Variants in AP3B1 observed in about 807,000 individuals in gnomAD.
The protein encoded by AP3B1 is adaptor related protein complex 3 subunit beta 1.
A neutral mutation model predicts 132.5 loss-of-function variants in AP3B1; 61 were observed. That is an observed-to-expected ratio of 0.46 (90% CI 0.37 to 0.57). The LOEUF (loss-of-function observed/expected upper bound fraction) is 0.57. Among genes scored for constraint, AP3B1 ranks in the 20% least tolerant of loss-of-function variants. AP3B1 has a pLI of 0.00. For missense variants in AP3B1, 1,120 were observed against 1,289.4 expected (o/e 0.87, Z 2.01); for synonymous variants, 388 against 438.3 (o/e 0.89, Z 1.43).
intron 24 of AP3B1, among the ~76,000 whole-genome samples, chr5:78,022,662 T>G (rs1055971443): frequency 1.3e-5 from 2 of 152,202 alleles, no homozygotes; most frequent in African/African-American, 4.8e-5. Flanking sequence ...AATGGGAAAC[T>G]ACTAGAGATT....
chr5:78,102,156 G>A lies in AP3B1; in HGVS notation c.2398-1131C>T, dbSNP rs550760738. ...ATTTTTGAAGTATTCCTCTAGCCACGAGACGGTACCACTAAAGCAAAATAT... is the reference window on the plus strand; with the variant it reads ...ATTTTTGAAGTATTCCTCTAGCCACAAGACGGTACCACTAAAGCAAAATAT... On this transcript the variant is annotated intron_variant, in intron 20 of 26. Transcript: ENST00000255194. Among the ~76,000 whole-genome samples, 17 of 152,102 alleles carry A rather than the reference G, an allele frequency of 1.1e-4. No individual in the cohort carries two copies. In the South Asian group the frequency reaches 2.9e-3, roughly 26 times the overall value.
At chr5:78,164,174 A>T (rs1743514631) in intron 12 of AP3B1, among the ~76,000 whole-genome samples, 1 of 152,144 alleles carries the variant, frequency 6.6e-6, no homozygotes, top group African/African-American at 2.4e-5. Flanking sequence ...TGAACTTATG[A>T]GTCTTTAGAA....
At chr5:78,053,014 C>A (rs1350471493) in intron 22 of AP3B1, among the ~76,000 whole-genome samples, 1 of 152,080 alleles carries the variant, frequency 6.6e-6, no homozygotes. Context: ...TCTTTAGAAC[C>A]CAGAGCATTT....
chr5:78,027,450 T>C (rs560934487), intron 24 of AP3B1, among the ~76,000 whole-genome samples: 3 of 152,036 alleles, frequency 2.0e-5, no homozygotes, highest in African/African-American at 7.2e-5. Context: ...ATAAAAATAT[T>C]CTTGTGGCTT....
chr5:78,135,526 C>T (rs908013009), intron 15 of AP3B1, among the ~76,000 whole-genome samples: 20 of 149,108 alleles, frequency 1.3e-4, no homozygotes, highest in African/African-American at 5.0e-4. Context: ...GGTTCTAGTT[C>T]TATACATCTT....
At chr5:78,131,051 T>A (rs114974648) in intron 15 of AP3B1, among the ~76,000 whole-genome samples, 2 of 151,860 alleles carry the variant, frequency 1.3e-5, no homozygotes, top group African/African-American at 2.4e-5. Context: ...TATAAGCTTA[T>A]AAATAAGTTT....
intron 2 of AP3B1, among the ~76,000 whole-genome samples, chr5:78,266,055 T>A (rs755447749): frequency 6.6e-6 from 1 of 152,186 alleles, no homozygotes; most frequent in Non-Finnish European, 1.5e-5. Flanking sequence ...TGACAGATTT[T>A]GAAAGAAGTG....
Position 78,069,998 on chromosome 5 carries a change from G to A in AP3B1, c.2577+19395C>T, listed in dbSNP as rs367767762. 2.4e-4 allele frequency among the ~76,000 whole-genome samples: 36 copies of A among 152,148 alleles called. No homozygotes were observed. The East Asian group carries it at 2.7e-3, about 11-fold the overall frequency. ...CAAAACGGACAAAAACAAGCAATAG[G>A]GAAAGATTCCCTATTTAATAAAAGG... On this transcript the variant is annotated intron_variant, in intron 22 of 26. Coordinates refer to ENST00000255194, the MANE Select transcript of AP3B1 (RefSeq NM_003664.5).
Position 78,011,335 on chromosome 5 carries a change from C to T in AP3B1, c.3131+4075G>A, listed in dbSNP as rs186799105. ...TGCTGGGATTACGGGCATGAGCCAC[C>T]ATGCCCGGCCACTCTGTATATCTCA... On this transcript the variant is annotated intron_variant, in intron 26 of 26. Transcript: ENST00000255194. 6.6e-5 allele frequency among the ~76,000 whole-genome samples: 10 copies of T among 152,252 alleles called. No individual in the cohort carries two copies. The East Asian group carries it at 1.7e-3, about 26-fold the overall frequency.
At chr5:78,145,268 C>T (rs1753340634) in intron 14 of AP3B1, among the ~76,000 whole-genome samples, 1 of 152,176 alleles carries the variant, frequency 6.6e-6, no homozygotes, top group Non-Finnish European at 1.5e-5. Flanking sequence ...TAGCTAATAT[C>T]TATTGAGCTC....
In AP3B1 at chr5:78,216,140, A is replaced by G. The variant is rs746144113; in HGVS notation, c.701T>C (p.Val234Ala). 2.5e-6 allele frequency: 4 copies of G among 1,614,020 alleles called. No homozygotes were observed. Among genetic ancestry groups the G allele is most frequent in the Non-Finnish European group, 3.4e-6 (4 of 1,179,902 alleles). Reference sequence around the variant, plus strand: ...AACCTGCCCCCACTCTTCAACATCCACTAGTAAGTTACATAGCTTGCGGTA... The same window carrying G: ...AACCTGCCCCCACTCTTCAACATCCGCTAGTAAGTTACATAGCTTGCGGTA... ...KNYRKLCNLL[V>A]DVEEWGQVVI... Residue 234 changes from valine (V) to alanine (A), a missense_variant, in exon 7 of 27, where the codon GTG (valine) becomes GCG (alanine). This residue lies in a region of AP3B1 where 129 missense variants were observed against 212.4 expected (regional missense o/e 0.61). Transcript: ENST00000255194.
At chr5:78,154,661 TCTGA>T (rs1332302564) in intron 14 of AP3B1, among the ~76,000 whole-genome samples, 3 of 152,192 alleles carry the variant, frequency 2.0e-5, no homozygotes, top group African/African-American at 7.2e-5. Context: ...TTTTGTCTCC[TCTGA>T]CTGTGTATTT....
rs529539326 is a variant in AP3B1, at chr5:78,053,915, G to A, written c.2578-14641C>T. ...CATACACTCAGCAGTGAGGTGTGGTGGGAAACACAGGGCTTTGAAACTATA... is the reference window on the plus strand; with the variant it reads ...CATACACTCAGCAGTGAGGTGTGGTAGGAAACACAGGGCTTTGAAACTATA... On this transcript the variant is annotated intron_variant, in intron 22 of 26. Coordinates refer to ENST00000255194, the MANE Select transcript of AP3B1 (RefSeq NM_003664.5). Among the ~76,000 whole-genome samples, 3 of 152,236 alleles carry A rather than the reference G, an allele frequency of 2.0e-5. No individual in the cohort carries two copies. The South Asian group carries it at 6.2e-4, about 32-fold the overall frequency.
chr5:78,047,207 G>T (rs1748373179), intron 22 of AP3B1, among the ~76,000 whole-genome samples: 1 of 152,168 alleles, frequency 6.6e-6, no homozygotes. Flanking sequence ...AATCCTTTGG[G>T]TATATACCCA....
intron 6 of AP3B1, among the ~76,000 whole-genome samples, chr5:78,220,889 A>G (rs891450881): frequency 6.6e-6 from 1 of 152,064 alleles, no homozygotes; most frequent in Admixed American, 6.5e-5. Flanking sequence ...TTTACAAAAA[A>G]TTTTTTTTAA....
intron 15 of AP3B1, among the ~76,000 whole-genome samples, chr5:78,139,363 A>G (rs1753052099): frequency 6.6e-6 from 1 of 152,194 alleles, no homozygotes; most frequent in Non-Finnish European, 1.5e-5. Context: ...GTTTCAGGCT[A>G]AAACTCCCTC....
intron 3 of AP3B1, among the ~76,000 whole-genome samples, chr5:78,232,380 C>A (rs972817870): frequency 6.6e-6 from 1 of 152,124 alleles, no homozygotes; most frequent in East Asian, 1.9e-4. Flanking sequence ...GTTAGCCAGT[C>A]AGGAACAACT....
chr5:78,193,090 T>TTATTTTA, intron 7 of AP3B1, among the ~76,000 whole-genome samples: 1 of 152,326 alleles, frequency 6.6e-6, no homozygotes, highest in East Asian at 1.9e-4. Flanking sequence ...AGATATATTT[T>TTATTTTA]TATATTGTGT....
At chr5:78,118,579 G>C (rs1751978704) in intron 17 of AP3B1, among the ~76,000 whole-genome samples, 1 of 152,210 alleles carries the variant, frequency 6.6e-6, no homozygotes, top group South Asian at 2.1e-4. Flanking sequence ...CTGATTGCTA[G>C]CACAGCAGTC....
Sources: allele counts gnomAD v4.1 joint callset (sites outside exome capture counted in the v4.1 genomes callset), GRCh38; gene constraint gnomAD v4.1.1; regional missense constraint gnomAD v4.1.1; transcripts MANE v1.5; gene names NCBI Gene and HGNC (gene_info 2026-07-23, HGNC 2026-07-21).